Variants in CNTN5 observed in about 807,000 individuals in gnomAD.
The protein encoded by CNTN5 is contactin-5.
In CNTN5, 77 loss-of-function variants were observed where a neutral mutation model predicts 129.1. The observed-to-expected ratio is 0.60, with a 90% CI of 0.50 to 0.72. The LOEUF is 0.72. Among genes scored for constraint, CNTN5 ranks in the 30% least tolerant of loss-of-function variants. CNTN5 has a pLI of 0.00. For synonymous variants in CNTN5, 509 were observed against 465.6 expected, an observed-to-expected ratio of 1.09 and a Z score of -1.20; for missense variants, 1,478 against 1,328.8, an observed-to-expected ratio of 1.11 and a Z score of -1.75.
chr11:99,769,521 A>T (rs1422688614), intron 3 of CNTN5, among the ~76,000 whole-genome samples: 1 of 152,050 alleles, frequency 6.6e-6, no homozygotes, highest in Non-Finnish European at 1.5e-5. Context: ...TGACTCCCCA[A>T]AATTCAGTAT....
chr11:99,247,017 A>G (rs1385835554), intron 1 of CNTN5, among the ~76,000 whole-genome samples: 1 of 152,178 alleles, frequency 6.6e-6, no homozygotes, highest in Non-Finnish European at 1.5e-5. Context: ...TTATAGCTTT[A>G]CTGAAAAGTG....
intron 1 of CNTN5, among the ~76,000 whole-genome samples, chr11:99,227,315 G>A (rs1257264911): frequency 6.6e-6 from 1 of 151,410 alleles, no homozygotes; most frequent in Admixed American, 6.6e-5. Flanking sequence ...AGCTGAGATG[G>A]CACCACTGCA....
At chr11:100,259,131 G>A (rs1012630894) in intron 17 of CNTN5, among the ~76,000 whole-genome samples, 110 of 152,184 alleles carry the variant, frequency 7.2e-4, no homozygotes, top group African/African-American at 1.9e-3. Context: ...GCAAAAAAAA[G>A]CAGGGGTTGC....
chr11:99,069,923 A>C (rs894368532), intron 1 of CNTN5, among the ~76,000 whole-genome samples: 23 of 152,174 alleles, frequency 1.5e-4, no homozygotes, highest in African/African-American at 5.5e-4. Context: ...TGGCTTCAGC[A>C]GGGAAGGATT....
chr11:99,964,879 T>G (rs1951051479), intron 8 of CNTN5, among the ~76,000 whole-genome samples: 1 of 152,182 alleles, frequency 6.6e-6, no homozygotes, highest in Non-Finnish European at 1.5e-5. Context: ...TCTTCCTGGT[T>G]TAGTCTTGGG....
At chr11:99,851,119 A>G (rs1947859980) in intron 6 of CNTN5, among the ~76,000 whole-genome samples, 1 of 125,054 alleles carries the variant, frequency 8.0e-6, no homozygotes, top group Non-Finnish European at 1.7e-5. Context: ...ATGTCTACCC[A>G]TGAGGAACTT....
chr11:99,141,044 T>A (rs1165756413), intron 1 of CNTN5, among the ~76,000 whole-genome samples: 2 of 152,136 alleles, frequency 1.3e-5, no homozygotes, highest in African/African-American at 2.4e-5. Context: ...CCTTCTCAAT[T>A]TTTTGGAATA....
At chr11:99,408,367 C>CAA in intron 2 of CNTN5, among the ~76,000 whole-genome samples, 1 of 67,268 alleles carries the variant, frequency 1.5e-5, no homozygotes, top group South Asian at 5.0e-4. Flanking sequence ...ACCAGGCTAC[C>CAA]AAAAAAAAAA....
intron 4 of CNTN5, among the ~76,000 whole-genome samples, chr11:99,838,954 G>T (rs555816648): frequency 6.6e-6 from 1 of 152,168 alleles, no homozygotes; most frequent in African/African-American, 2.4e-5. Context: ...CTTGAAGGGA[G>T]GGTTATCAAA....
chr11:100,033,076 TAAGA>T (rs916847954), intron 9 of CNTN5, among the ~76,000 whole-genome samples: 1 of 152,210 alleles, frequency 6.6e-6, no homozygotes, highest in African/African-American at 2.4e-5. Flanking sequence ...GGTATTTCTG[TAAGA>T]AAGACTCTTT....
Position 99,204,606 on chromosome 11 carries a change from T to G in CNTN5, c.-209-120740T>G, listed in dbSNP as rs140665681. 5.1e-3 allele frequency among the ~76,000 whole-genome samples: 776 copies of G among 152,272 alleles called. 6 individuals are homozygous for G. Among genetic ancestry groups the G allele is most frequent in the South Asian group, 7.9e-3 (38 of 4,830 alleles). On this transcript the variant is annotated intron_variant, in intron 1 of 24. Transcript: ENST00000524871. ...TAGCTTCTGGCCATGACAAAAGTTA[T>G]GTCAGCATCATTATGCAACACCTGT...
At chr11:100,105,214 T>C (rs529907174) in intron 13 of CNTN5, among the ~76,000 whole-genome samples, 7 of 152,304 alleles carry the variant, frequency 4.6e-5, no homozygotes, top group Non-Finnish European at 7.4e-5. Context: ...AGAGATAGCA[T>C]TGGAACACAG....
At position 99,537,734 on chromosome 11, in the gene CNTN5, A is replaced by G. The variant is rs568002152; in HGVS notation, c.-70-18411A>G. ...TGTAAGAAGTATGTAATAAACATCTAAGAACCATGCCTGGTATTTAGACTA... is the reference window on the plus strand; with the variant it reads ...TGTAAGAAGTATGTAATAAACATCTGAGAACCATGCCTGGTATTTAGACTA... On this transcript the variant is annotated intron_variant, in intron 2 of 24. Transcript: ENST00000524871. Among the ~76,000 whole-genome samples, 247 of 152,286 alleles carry G rather than the reference A, an allele frequency of 1.6e-3. 2 individuals carry two copies. Among genetic ancestry groups the G allele is most frequent in the African/African-American group, 5.2e-3 (218 of 41,558 alleles).
chr11:100,319,565 C>A (rs1049804949), intron 21 of CNTN5, among the ~76,000 whole-genome samples: 1 of 152,186 alleles, frequency 6.6e-6, no homozygotes, highest in Non-Finnish European at 1.5e-5. Flanking sequence ...TGCATTATTG[C>A]ACATAGTTAT....
intron 1 of CNTN5, among the ~76,000 whole-genome samples, chr11:99,158,647 A>G (rs1289281741): frequency 6.6e-6 from 1 of 152,202 alleles, no homozygotes; most frequent in Non-Finnish European, 1.5e-5. Flanking sequence ...TGAACACATC[A>G]TTGGGCAATA....
At chr11:100,061,101 T>G (rs940439032) in intron 9 of CNTN5, 111 bp from the exon 10 acceptor site, 6 of 795,050 alleles carry the variant, frequency 7.5e-6, no homozygotes, top group Admixed American at 2.5e-5. Context: ...TCCTTAATTG[T>G]GATTACATTT....
intron 3 of CNTN5, among the ~76,000 whole-genome samples, chr11:99,807,371 AT>A (rs1281542827): frequency 6.6e-6 from 1 of 152,186 alleles, no homozygotes; most frequent in African/African-American, 2.4e-5. Flanking sequence ...GTACAGGGGT[AT>A]TCCTGTTTGG....
At chr11:99,223,781 G>T (rs903782888) in intron 1 of CNTN5, among the ~76,000 whole-genome samples, 1 of 152,076 alleles carries the variant, frequency 6.6e-6, no homozygotes, top group African/African-American at 2.4e-5. Flanking sequence ...CTCATTTATA[G>T]CTTCATCACA....
At chr11:99,207,001 A>G (rs1859518820) in intron 1 of CNTN5, among the ~76,000 whole-genome samples, 1 of 152,138 alleles carries the variant, frequency 6.6e-6, no homozygotes, top group East Asian at 1.9e-4. Flanking sequence ...TACCTAAAAT[A>G]ACATTTTATT....
Sources: allele counts gnomAD v4.1 joint callset (sites outside exome capture counted in the v4.1 genomes callset), GRCh38; gene constraint gnomAD v4.1.1; transcripts MANE v1.5; gene names NCBI Gene and HGNC (gene_info 2026-07-23, HGNC 2026-07-21).